The following ROBO2 variants were observed in gnomAD, a reference collection of about 807,000 sequenced individuals.
ROBO2 encodes the protein roundabout guidance receptor 2, also known as roundabout homolog 2.
A neutral mutation model predicts 160.8 loss-of-function variants in ROBO2; 53 were observed. The observed-to-expected ratio is 0.33, with a 90% confidence interval of 0.26 to 0.41. ROBO2 has a LOEUF of 0.41. ROBO2 is among the 10% of genes least tolerant of loss of function. ROBO2 has a pLI of 1.00. For missense variants in ROBO2, 1,577 were observed against 1,722.4 expected (o/e 0.92, Z 1.49); for synonymous variants, 664 against 611.7 (o/e 1.09, Z -1.26).
chr3:77,364,019 C>T (rs1445957554), intron 2 of ROBO2, among the ~76,000 whole-genome samples: 1 of 152,010 alleles, frequency 6.6e-6, no homozygotes, highest in African/African-American at 2.4e-5. Flanking sequence ...TAAGCCACAA[C>T]AAACTAAAAA....
At chr3:76,470,498 G>C (rs1411143906) in intron 2 of ROBO2, among the ~76,000 whole-genome samples, 3 of 152,084 alleles carry the variant, frequency 2.0e-5, no homozygotes, top group Non-Finnish European at 2.9e-5. Flanking sequence ...CTTAGCTTAA[G>C]ATGTTGACTG....
At chr3:77,456,592 C>A (rs2081665060) in intron 2 of ROBO2, among the ~76,000 whole-genome samples, 1 of 152,210 alleles carries the variant, frequency 6.6e-6, no homozygotes, top group African/African-American at 2.4e-5. Flanking sequence ...AAACAGACTT[C>A]TCTTCATTCT....
At chr3:77,402,826 C>T (rs561975296) in intron 2 of ROBO2, among the ~76,000 whole-genome samples, 1 of 152,160 alleles carries the variant, frequency 6.6e-6, no homozygotes, top group Admixed American at 6.5e-5. Flanking sequence ...AAAGGTCAAA[C>T]CACGCACTTG....
chr3:77,561,386 C>G (rs890110698), intron 9 of ROBO2, among the ~76,000 whole-genome samples: 1 of 152,130 alleles, frequency 6.6e-6, no homozygotes, highest in Non-Finnish European at 1.5e-5. Flanking sequence ...TTCCTTTACT[C>G]CTAAATTGAT....
At chr3:76,154,163 C>T (rs376905643) in intron 2 of ROBO2, among the ~76,000 whole-genome samples, 37 of 152,066 alleles carry the variant, frequency 2.4e-4, no homozygotes, top group African/African-American at 8.2e-4. Flanking sequence ...ATCAGAACCG[C>T]GCTTTGGTAA....
chr3:76,407,933 A>AT (rs143970275), intron 2 of ROBO2, among the ~76,000 whole-genome samples: 46,788 of 150,896 alleles, frequency 0.31, 8,770 homozygotes, highest in Non-Finnish European at 0.41. Flanking sequence ...TTCTTTTGTG[A>AT]TTTTTTTTTG....
chr3:76,090,787 C>G (rs542297418), intron 2 of ROBO2, among the ~76,000 whole-genome samples: 2 of 152,272 alleles, frequency 1.3e-5, no homozygotes, highest in South Asian at 4.1e-4. Context: ...AGCCCAGAAA[C>G]AGACCCACAT....
intron 2 of ROBO2, among the ~76,000 whole-genome samples, chr3:76,227,594 C>G (rs1433377014): frequency 1.3e-5 from 2 of 152,156 alleles, no homozygotes; most frequent in Non-Finnish European, 1.5e-5. Context: ...ATTTTTAAAA[C>G]TATATGTTTC....
intron 2 of ROBO2, among the ~76,000 whole-genome samples, chr3:75,987,301 C>T (rs1162181416): frequency 6.6e-6 from 1 of 151,894 alleles, no homozygotes; most frequent in Non-Finnish European, 1.5e-5. Flanking sequence ...CTTTTTGATG[C>T]TATAATCAAT....
intron 2 of ROBO2, among the ~76,000 whole-genome samples, chr3:76,388,879 T>A (rs1294289513): frequency 1.3e-5 from 2 of 152,188 alleles, no homozygotes; most frequent in Non-Finnish European, 2.9e-5. Flanking sequence ...TAAACATTTT[T>A]TTCTTAAACA....
intron 2 of ROBO2, among the ~76,000 whole-genome samples, chr3:76,525,312 G>T (rs991657191): frequency 2.0e-5 from 3 of 151,492 alleles, no homozygotes; most frequent in African/African-American, 7.3e-5. Context: ...GATGAAGGAT[G>T]ATCTTCTTGG....
rs569375460 is a variant in ROBO2 at position 75,924,830 on chromosome 3, A to G, written c.-13-12651A>G. 3.3e-5 allele frequency among the ~76,000 whole-genome samples: 5 copies of G among 151,076 alleles called. 1 individual carries two copies. In the East Asian group the frequency reaches 6.0e-4, roughly 18 times the overall value. On this transcript the variant is annotated intron_variant, in intron 1 of 26. Transcript: ENST00000487694. Reference sequence around the variant, plus strand: ...CAGCCTCCCGAGTAGCTGGGACTACAGGCGCCTGCCACCACGCCAGGCTTA... The same window carrying G: ...CAGCCTCCCGAGTAGCTGGGACTACGGGCGCCTGCCACCACGCCAGGCTTA...
chr3:76,466,440 A>T (rs1299973357), intron 2 of ROBO2, among the ~76,000 whole-genome samples: 5 of 151,972 alleles, frequency 3.3e-5, no homozygotes, highest in Non-Finnish European at 7.4e-5. Flanking sequence ...AAGATCAAGC[A>T]TACTATTCTT....
intron 2 of ROBO2, among the ~76,000 whole-genome samples, chr3:77,366,702 T>A (rs2153473283): frequency 6.6e-6 from 1 of 152,102 alleles, no homozygotes; most frequent in Admixed American, 6.6e-5. Context: ...TCAGTCTGCT[T>A]CCACTTATGG....
chr3:76,021,689 A>G (rs1041000294), intron 2 of ROBO2, among the ~76,000 whole-genome samples: 17 of 151,842 alleles, frequency 1.1e-4, no homozygotes, highest in African/African-American at 4.1e-4. Flanking sequence ...TCTAAAAACA[A>G]TGCACATACT....
intron 2 of ROBO2, among the ~76,000 whole-genome samples, chr3:76,953,590 A>G (rs1264409030): frequency 6.6e-6 from 1 of 152,218 alleles, no homozygotes; most frequent in East Asian, 1.9e-4. Flanking sequence ...ATTCCCTGAT[A>G]GAATGTTGAC....
chr3:76,722,654 C>T (rs1399120091), intron 2 of ROBO2, among the ~76,000 whole-genome samples: 1 of 152,204 alleles, frequency 6.6e-6, no homozygotes, highest in Non-Finnish European at 1.5e-5. Context: ...CACTAATCTA[C>T]ATTCTATCGC....
At chr3:75,983,275 A>G (rs1392193257) in intron 2 of ROBO2, among the ~76,000 whole-genome samples, 1 of 151,440 alleles carries the variant, frequency 6.6e-6, no homozygotes, top group Non-Finnish European at 1.5e-5. Flanking sequence ...GCTGAAATGA[A>G]AAAGAAGGAA....
At chr3:77,342,585 G>A (rs1007076008) in intron 2 of ROBO2, among the ~76,000 whole-genome samples, 3 of 152,072 alleles carry the variant, frequency 2.0e-5, no homozygotes, top group African/African-American at 7.2e-5. Flanking sequence ...CTTAAGGGGT[G>A]CTAGGAGGCT....
Sources: gnomAD v4.1 joint callset for allele counts (sites outside exome capture counted in the v4.1 genomes callset) on GRCh38, gnomAD v4.1.1 for gene constraint, MANE v1.5 for transcripts, NCBI Gene and HGNC (gene_info 2026-07-23, HGNC 2026-07-21) for gene names.